The following MAPK8IP2 variants were observed in gnomAD, a reference collection of about 807,000 sequenced individuals.
MAPK8IP2 encodes mitogen-activated protein kinase 8 interacting protein 2.
MAPK8IP2 carries 15 observed loss-of-function variants against 75.6 expected under a neutral mutation model. That is an observed-to-expected ratio of 0.20 (90% CI 0.13 to 0.31). MAPK8IP2 has a LOEUF of 0.31. Among genes scored for constraint, MAPK8IP2 ranks in the 10% least tolerant of loss-of-function variants. The pLI is 1.00. For missense variants in MAPK8IP2, 1,089 were observed against 1,211.2 expected (o/e 0.90, Z 1.50); for synonymous variants, 632 against 554.5 (o/e 1.14, Z -1.96).
Position 50,610,951 on chromosome 22 carries a change from G to A in MAPK8IP2, c.*172G>A. ...CGTCCTCGGTCCCCAGGGCGCAGCT[G>A]TTGGGGCTGCGGGGGAGTGGAGCCC... is the stretch of plus-strand genomic sequence containing the variant. On this transcript the variant is annotated 3_prime_UTR_variant, in exon 12 of 12. Coordinates refer to ENST00000329492, the MANE Select transcript of MAPK8IP2 (RefSeq NM_012324.6). The surrounding 1 kb of genome is among the most constrained non-coding windows in gnomAD (Gnocchi z 4.3). The A allele has an allele frequency of 3.4e-6, 2 of 587,124 alleles. No individual in the cohort carries two copies. Among genetic ancestry groups the A allele is most frequent in the East Asian group, 3.0e-5 (1 of 33,758 alleles). The allele number at this position is 587,124 out of a possible 1,614,324, so 36.4% of individuals were successfully genotyped here.
chr22:50,613,925 T>TC lies in MAPK8IP2; in HGVS notation c.*3148dup, dbSNP rs1298008476. On this transcript the variant is annotated 3_prime_UTR_variant, in exon 12 of 12. Coordinates refer to ENST00000329492, the MANE Select transcript of MAPK8IP2 (RefSeq NM_012324.6). ...GAGGCGCTGCATGACGCCTCCAACT[T>TC]CCGCCAATCTAGCCCAAGGATGGCG... The TC allele has an allele frequency of 6.6e-5, 10 of 152,262 alleles. No individual in the cohort carries two copies. The highest frequency in any genetic ancestry group is 6.5e-4 in the Admixed American group (10 of 15,288). The allele number at this position is 152,262 out of a possible 1,614,324, so 9.4% of individuals were successfully genotyped here.
At position 50,606,649 on chromosome 22, in the gene MAPK8IP2, C is replaced by T. The variant is rs768480168; in HGVS notation, c.2125-9C>T. On this transcript the variant is annotated splice_polypyrimidine_tract_variant and intron_variant, in intron 8 of 11. Coordinates refer to ENST00000329492, the MANE Select transcript of MAPK8IP2 (RefSeq NM_012324.6). ...TCAAGACCCTCTTCTCCCCCAACTT[C>T]TTCTGTAGATTGCCACTGCCCGGAA... 2.5e-6 allele frequency: 4 copies of T among 1,582,340 alleles called. No individual in the cohort carries two copies. Among genetic ancestry groups the T allele is most frequent in the Admixed American group, 1.8e-5 (1 of 55,790 alleles).
intron 10 of MAPK8IP2, among the ~76,000 whole-genome samples, chr22:50,608,701 G>A (rs1035996781): frequency 1.4e-5 from 2 of 147,700 alleles, no homozygotes; most frequent in African/African-American, 2.5e-5. Flanking sequence ...GCTCTGGGGT[G>A]GAGAGGTGGG....
At chr22:50,601,673 G>A in intron 1 of MAPK8IP2, 116 bp from the exon 2 acceptor site, 3 of 701,310 alleles carry the variant, frequency 4.3e-6, no homozygotes, top group Non-Finnish European at 7.6e-6. Context: ...CGAGAGCTGG[G>A]GGCTGTGGAA....
chr22:50,605,991 C>A, intron 8 of MAPK8IP2, 57 bp downstream of exon 8: 2 of 1,358,180 alleles, frequency 1.5e-6, no homozygotes, highest in South Asian at 1.3e-5. Flanking sequence ...GCCACACCAG[C>A]ACTGCAGGCT....
chr22:50,603,670 C>T lies in MAPK8IP2; in HGVS notation c.492C>T (p.Ala164=), dbSNP rs371448737. The change falls in exon 4 of 12, where the codon GCC becomes GCT. Residue 164 remains alanine, a synonymous_variant. Coordinates refer to ENST00000329492, the MANE Select transcript of MAPK8IP2 (RefSeq NM_012324.6). ...GAGGCTTTGACCTGGTGCGTCCGGC[C>T]TCCTGGCAGGAGACAGCGCTATGCT... ...NNGGFDLVRP[A]SWQETALCSP... is the part of the protein sequence containing the mutation. 2.0e-4 allele frequency: 323 copies of T among 1,591,414 alleles called. 1 individual carries two copies. The highest frequency in any genetic ancestry group is 7.1e-5 in the Non-Finnish European group (83 of 1,169,366).
Position 50,603,510 on chromosome 22 carries a change from G to C in MAPK8IP2, c.447+12G>C. ...CACTGGGGGCCCAGGTGAGTGCCCG[G>C]ACCCACAGCTCCCTGGAGCTGAGCC... On this transcript the variant is annotated intron_variant, in intron 3 of 11. Coordinates refer to ENST00000329492, the MANE Select transcript of MAPK8IP2 (RefSeq NM_012324.6). 6.4e-7 allele frequency: 1 copy of C among 1,565,314 alleles called. No homozygotes were observed. Among genetic ancestry groups the C allele is most frequent in the South Asian group, 1.2e-5 (1 of 83,990 alleles).
rs1569070574 is a variant in MAPK8IP2, at chr22:50,612,863, T to TCCCGCCCCGGCCCGGCCTGGC, written c.*2092_*2093insGGCCCGGCCTGGCCCCGCCCC. 1 of 72,446 alleles carries TCCCGCCCCGGCCCGGCCTGGC rather than the reference T, an allele frequency of 1.4e-5. No homozygotes were observed. Among genetic ancestry groups the TCCCGCCCCGGCCCGGCCTGGC allele is most frequent in the Non-Finnish European group, 2.7e-5 (1 of 37,214 alleles). The allele number at this position is 72,446 out of a possible 1,614,324, so 4.5% of individuals were successfully genotyped here. A position where few individuals can be genotyped will look rare whatever the true frequency, so the allele number is the denominator to read the frequency against. ...CAAGCCCTGCCCTCCGGCGCCCCCGTCCCGCCCCTGCCCGGCCTGGCCCCG... is the reference window on the plus strand; with the variant it reads ...CAAGCCCTGCCCTCCGGCGCCCCCGTCCCGCCCCGGCCCGGCCTGGCCCCGCCCCTGCCCGGCCTGGCCCCG... On this transcript the variant is annotated 3_prime_UTR_variant, in exon 12 of 12. Transcript: ENST00000329492.
rs757784651 is a variant in MAPK8IP2 at position 50,610,023 on chromosome 22, C to T, written c.2304-189C>T. ...TCAGAGCGTGAACTCTTGGTAGGTG[C>T]CCAGCCCTGTGCTTGGGCTGAAACC... On this transcript the variant is annotated intron_variant, in intron 10 of 11. Coordinates refer to ENST00000329492, the MANE Select transcript of MAPK8IP2 (RefSeq NM_012324.6). The surrounding 1 kb of genome is among the most constrained non-coding windows in gnomAD (Gnocchi z 4.3). 2.7e-6 allele frequency: 2 copies of T among 735,350 alleles called. No homozygotes were observed. The highest frequency in any genetic ancestry group is 5.1e-5 in the East Asian group (2 of 39,390). The allele number at this position is 735,350 out of a possible 1,614,324, so 45.6% of individuals were successfully genotyped here. A position where few individuals can be genotyped will look rare whatever the true frequency, so the allele number is the denominator to read the frequency against.
In MAPK8IP2 at chr22:50,610,846, G is replaced by A; in HGVS notation, c.*67G>A. ...AGCTGGGGCTGAGGATGTCTCAAGAGGCCACCATGGCTTTGGCAAGGACTG... is the reference window on the plus strand; with the variant it reads ...AGCTGGGGCTGAGGATGTCTCAAGAAGCCACCATGGCTTTGGCAAGGACTG... On this transcript the variant is annotated 3_prime_UTR_variant, in exon 12 of 12. Coordinates refer to ENST00000329492, the MANE Select transcript of MAPK8IP2 (RefSeq NM_012324.6). The surrounding 1 kb of genome is among the most constrained non-coding windows in gnomAD (Gnocchi z 4.3). 2.2e-6 allele frequency: 3 copies of A among 1,385,396 alleles called. No homozygotes were observed. Among genetic ancestry groups the A allele is most frequent in the Non-Finnish European group, 3.0e-6 (3 of 1,005,252 alleles). The allele number at this position is 1,385,396 out of a possible 1,614,324, so 85.8% of individuals were successfully genotyped here.
Position 50,603,693 on chromosome 22 carries a change from G to A in MAPK8IP2, c.515G>A (p.Cys172Tyr). 6.3e-7 allele frequency: 1 copy of A among 1,581,728 alleles called. No homozygotes were observed. Among genetic ancestry groups the A allele is most frequent in the East Asian group, 2.3e-5 (1 of 42,966 alleles). The change falls in exon 4 of 12, where the codon TGC becomes TAC. Residue 172 changes from cysteine to tyrosine, a missense_variant. Cys to Tyr is a radical substitution (Grantham distance 194). Transcript: ENST00000329492. ...GCCTCCTGGCAGGAGACAGCGCTAT[G>A]CTCACCCGCCCCGGAGGCCCTCAGA... ...RPASWQETAL[C>Y]SPAPEALREL...
Position 50,604,626 on chromosome 22 carries a change from C to T in MAPK8IP2, c.1327C>T (p.Arg443Cys). 4.6e-6 allele frequency: 7 copies of T among 1,514,406 alleles called. No individual in the cohort carries two copies. Among genetic ancestry groups the T allele is most frequent in the Non-Finnish European group, 5.3e-6 (6 of 1,137,694 alleles). The allele number at this position is 1,514,406 out of a possible 1,614,324, so 93.8% of individuals were successfully genotyped here. A position where few individuals can be genotyped will look rare whatever the true frequency, so the allele number is the denominator to read the frequency against. ...CTGCCTATTCCTCAGCAACCCCACG[C>T]GTGACACCATCACGCCGCTGTGGGC... ...GPCLFLSNPT[R>C]DTITPLWAAP... The change falls in exon 5 of 12, where the codon CGT (arginine) becomes TGT (cysteine). Residue 443 changes from arginine (R) to cysteine (C), a missense_variant. By Grantham distance (180) the Arg-to-Cys change is radical. Coordinates refer to ENST00000329492, the MANE Select transcript of MAPK8IP2 (RefSeq NM_012324.6).
intron 10 of MAPK8IP2, chr22:50,609,595 T>C: frequency 2.7e-6 from 1 of 367,336 alleles, no homozygotes; most frequent in Non-Finnish European, 5.4e-6. Flanking sequence ...GTCGGCCAGT[T>C]TCAGGGGTGG....
At chr22:50,609,273 C>T (rs1332708208) in intron 10 of MAPK8IP2, among the ~76,000 whole-genome samples, 1 of 152,150 alleles carries the variant, frequency 6.6e-6, no homozygotes, top group African/African-American at 2.4e-5. Flanking sequence ...CCCAGGGCTG[C>T]CCATCCTGCC....
At chr22:50,609,946 G>A in intron 10 of MAPK8IP2, 1 of 646,664 alleles carries the variant, frequency 1.5e-6, no homozygotes, top group Non-Finnish European at 2.9e-6. Flanking sequence ...GAGGGTAGCA[G>A]CACCGGCTCA....
chr22:50,604,611 C>T lies in MAPK8IP2; in HGVS notation c.1312C>T (p.Leu438Phe). The T allele has an allele frequency of 6.7e-7, 1 of 1,502,294 alleles. No individual in the cohort carries two copies. The highest frequency in any genetic ancestry group is 2.6e-5 in the East Asian group (1 of 38,442). The allele number at this position is 1,502,294 out of a possible 1,614,324, so 93.1% of individuals were successfully genotyped here. Residue 438 changes from leucine (L) to phenylalanine (F), a missense_variant, in exon 5 of 12, where the codon CTC (leucine) becomes TTC (phenylalanine). Transcript: ENST00000329492. ...CGCGCAGCCCGGGCCCTGCCTATTC[C>T]TCAGCAACCCCACGCGTGACACCAT... ...GPAQPGPCLF[L>F]SNPTRDTITP...
At chr22:50,608,146 C>T (rs1239559799) in intron 10 of MAPK8IP2, among the ~76,000 whole-genome samples, 2 of 152,104 alleles carry the variant, frequency 1.3e-5, no homozygotes, top group South Asian at 2.1e-4. Context: ...TCCCTGTGGT[C>T]GAGAGTGAGG....
chr22:50,605,549 C>T lies in MAPK8IP2; in HGVS notation c.1842-13C>T. ...CCCGCCCCCCTCCCCAGTGACCTCT[C>T]CCCCAACGGCAGGTTCATCCCGCGG... On this transcript the variant is annotated splice_polypyrimidine_tract_variant and intron_variant, in intron 6 of 11. Transcript: ENST00000329492. 7.0e-7 allele frequency: 1 copy of T among 1,435,926 alleles called. No homozygotes were observed. The highest frequency in any genetic ancestry group is 9.4e-7 in the Non-Finnish European group (1 of 1,063,006). The allele number at this position is 1,435,926 out of a possible 1,614,324, so 88.9% of individuals were successfully genotyped here. A position where few individuals can be genotyped will look rare whatever the true frequency, so the allele number is the denominator to read the frequency against.
At position 50,604,451 on chromosome 22, in the gene MAPK8IP2, G is replaced by GC. The variant is rs2071005200; in HGVS notation, c.1152_1153insC (p.Ser385LeufsTer60). 2 of 1,385,966 alleles carry GC rather than the reference G, an allele frequency of 1.4e-6. No individual in the cohort carries two copies. The highest frequency in any genetic ancestry group is 1.9e-6 in the Non-Finnish European group (2 of 1,074,728). The allele number at this position is 1,385,966 out of a possible 1,614,324, so 85.9% of individuals were successfully genotyped here. A position where few individuals can be genotyped will look rare whatever the true frequency, so the allele number is the denominator to read the frequency against. On this transcript the variant is annotated frameshift_variant, in exon 5 of 12. Coordinates refer to ENST00000329492, the MANE Select transcript of MAPK8IP2 (RefSeq NM_012324.6). LOFTEE classifies it high-confidence loss of function. ...CGCCGCGCCCGCCCGGGGAGCCCGT[G>GC]TCGCCGGCCGGCGGGGCCGCCCAGG...
Sources: gnomAD v4.1 joint callset for allele counts (sites outside exome capture counted in the v4.1 genomes callset) on GRCh38, gnomAD v4.1.1 for gene constraint, Gnocchi (gnomAD v3.1) non-coding constraint, MANE v1.5 for transcripts, NCBI Gene and HGNC (gene_info 2026-07-23, HGNC 2026-07-21) for gene names.